Variants in FRMPD1 observed in about 807,000 individuals in gnomAD.
FRMPD1 encodes FERM and PDZ domain-containing protein 1.
In FRMPD1, 76 loss-of-function variants were observed where a neutral mutation model predicts 117.8. That is an observed-to-expected ratio of 0.65 (90% confidence interval 0.54 to 0.78). The LOEUF (loss-of-function observed/expected upper bound fraction) is 0.78. Ranked by LOEUF, FRMPD1 falls within the 30% of genes least tolerant of loss-of-function variation. FRMPD1 has a pLI of 0.00. For synonymous variants in FRMPD1, 783 were observed against 770.4 expected (o/e 1.02, Z -0.27); for missense variants, 1,786 against 1,964.5 (o/e 0.91, Z 1.72).
intron 5 of FRMPD1, among the ~76,000 whole-genome samples, chr9:37,715,512 C>T (rs1823080752): frequency 6.6e-6 from 1 of 152,208 alleles, no homozygotes; most frequent in Non-Finnish European, 1.5e-5. Context: ...CCCTTTTAAA[C>T]ATTAACTCTT....
intron 2 of FRMPD1, among the ~76,000 whole-genome samples, chr9:37,706,528 A>T (rs1822711235): frequency 6.6e-6 from 1 of 152,214 alleles, no homozygotes; most frequent in Non-Finnish European, 1.5e-5. Context: ...CCTTCCTCAG[A>T]AAGAACCACT....
intron 1 of FRMPD1, among the ~76,000 whole-genome samples, chr9:37,684,184 G>A (rs1821841804): frequency 1.3e-5 from 2 of 152,240 alleles, no homozygotes; most frequent in African/African-American, 4.8e-5. Context: ...AAGGCTGGGG[G>A]GAGGCAGTGG....
the FRMPD1 span, among the ~76,000 whole-genome samples, chr9:37,625,887 T>C: frequency 6.6e-6 from 1 of 152,248 alleles, no homozygotes; most frequent in Admixed American, 6.5e-5. Flanking sequence ...AAGGAGAGGT[T>C]TGCAGATCAG....
chr9:37,647,313 T>C (rs898054671), upstream of FRMPD1, among the ~76,000 whole-genome samples: 5 of 151,806 alleles, frequency 3.3e-5, no homozygotes, highest in African/African-American at 1.2e-4. Context: ...ATCAAGACCA[T>C]CCTGGCTAAC....
At chr9:37,715,650 G>C (rs1433868949) in intron 5 of FRMPD1, 1 of 456,258 alleles carries the variant, frequency 2.2e-6, no homozygotes, top group African/African-American at 2.0e-5. Context: ...CCTTTGAATT[G>C]TCTCTTTAAA....
intron 2 of FRMPD1, among the ~76,000 whole-genome samples, chr9:37,695,017 AGAT>A (rs1822271828): frequency 6.6e-6 from 1 of 151,912 alleles, no homozygotes; most frequent in African/African-American, 2.4e-5. Flanking sequence ...ATAGATAGAT[AGAT>A]AGATAGATAG....
intron 1 of FRMPD1, among the ~76,000 whole-genome samples, chr9:37,659,933 AAC>A (rs1260498285): frequency 0.011 from 1,503 of 136,848 alleles, 42 homozygotes; most frequent in African/African-American, 0.04. Flanking sequence ...AAAAAAAAAA[AAC>A]AAAACTGAGG....
chr9:37,714,396 T>C (rs77114270), intron 5 of FRMPD1, among the ~76,000 whole-genome samples: 1,639 of 152,104 alleles, frequency 0.011, 26 homozygotes, highest in African/African-American at 0.034. Context: ...TAAAAATTGG[T>C]ATGTGTCCAG....
chr9:37,706,998 C>A (rs1476988416), intron 2 of FRMPD1, among the ~76,000 whole-genome samples: 1 of 152,120 alleles, frequency 6.6e-6, no homozygotes, highest in African/African-American at 2.4e-5. Flanking sequence ...ATTCACTCAG[C>A]AGCAGTTATT....
At chr9:37,621,322 C>G in the FRMPD1 span, among the ~76,000 whole-genome samples, 1 of 152,124 alleles carries the variant, frequency 6.6e-6, no homozygotes, top group Non-Finnish European at 1.5e-5. Flanking sequence ...ATGGGACAGA[C>G]CACCCAGAGG....
chr9:37,663,154 A>G lies in FRMPD1; in HGVS notation c.-5+12060A>G, dbSNP rs553052882. The stretch of plus-strand genomic sequence containing the variant: ...GTATAAGAGACATCATTAGCCAGAA[A>G]TTTCTTTTGTAGCTGGACTAGTAAG... On this transcript the variant is annotated intron_variant, in intron 1 of 15. Coordinates refer to ENST00000377765, the MANE Select transcript of FRMPD1 (RefSeq NM_014907.3). Among the ~76,000 whole-genome samples the G allele has an allele frequency of 8.5e-5, 13 of 152,252 alleles. No individual in the cohort carries two copies. The South Asian group carries it at 2.3e-3, about 27-fold the overall frequency.
chr9:37,727,976 T>C (rs963719480), intron 7 of FRMPD1: 1 of 152,220 alleles, frequency 6.6e-6, no homozygotes, highest in Non-Finnish European at 1.5e-5. Context: ...CTGGATATAC[T>C]GCATAACAGA....
chr9:37,637,252 A>G, the FRMPD1 span: 2 of 1,609,594 alleles, frequency 1.2e-6, no homozygotes, highest in Non-Finnish European at 1.7e-6. Flanking sequence ...CTGAGTCGCC[A>G]ATCAAAAGCA....
chr9:37,737,713 CTTGGGAGGCTGAGGCAAGAGA>C (rs1824198389), intron 14 of FRMPD1, among the ~76,000 whole-genome samples: 1 of 151,012 alleles, frequency 6.6e-6, no homozygotes, highest in South Asian at 2.1e-4. Flanking sequence ...ATCCCAGCTA[CTTGGGAGGCTGAGGCAAGAGA>C]ATCGCTTGAA....
chr9:37,685,487 CAA>C (rs770271962), intron 1 of FRMPD1, among the ~76,000 whole-genome samples: 3 of 139,512 alleles, frequency 2.2e-5, no homozygotes, highest in East Asian at 2.1e-4. Context: ...ACTAAAAATA[CAA>C]AAAAAAAAAA....
At chr9:37,647,258 C>T (rs993407664), upstream of FRMPD1, among the ~76,000 whole-genome samples, 4 of 151,904 alleles carry the variant, frequency 2.6e-5, no homozygotes, top group Admixed American at 2.6e-4. Flanking sequence ...ACCTGTAATC[C>T]CAGCACTTTG....
At chr9:37,631,970 T>C in the FRMPD1 span, among the ~76,000 whole-genome samples, 2 of 152,322 alleles carry the variant, frequency 1.3e-5, no homozygotes, top group Non-Finnish European at 2.9e-5. Flanking sequence ...TTTTTCCTGA[T>C]AAGAGAAGTA....
intron 15 of FRMPD1, among the ~76,000 whole-genome samples, chr9:37,742,149 TG>T (rs1257876726): frequency 2.0e-5 from 3 of 151,146 alleles, no homozygotes; most frequent in Non-Finnish European, 4.4e-5. Flanking sequence ...AATGAATGAA[TG>T]AAGTCTCCAC....
the FRMPD1 span, among the ~76,000 whole-genome samples, chr9:37,642,341 C>T: frequency 1.3e-5 from 2 of 152,142 alleles, no homozygotes; most frequent in Non-Finnish European, 2.9e-5. Flanking sequence ...TTAGAGCCTT[C>T]CCATAGGCTG....
Sources: gnomAD v4.1 joint callset for allele counts (sites outside exome capture counted in the v4.1 genomes callset) on GRCh38, gnomAD v4.1.1 for gene constraint, MANE v1.5 for transcripts, NCBI Gene and HGNC (gene_info 2026-07-23, HGNC 2026-07-21) for gene names.